The following SLAMF9 variants were observed in gnomAD, a reference collection of about 807,000 sequenced individuals.
The protein encoded by SLAMF9 is CD2 family member 10.
SLAMF9 carries 25 observed loss-of-function variants against 30.4 expected under a neutral mutation model. The observed-to-expected ratio is 0.82, with a 90% CI of 0.60 to 1.15. The LOEUF is 1.15. SLAMF9 is among the 50% of genes most tolerant of loss of function. The pLI is 0.00. For synonymous variants in SLAMF9, 129 were observed against 127.2 expected (o/e 1.01, Z -0.09); for missense variants, 344 against 346.1 (o/e 0.99, Z 0.05).
chr1:159,966,363 C>A, the SLAMF9 span, among the ~76,000 whole-genome samples: 2 of 152,128 alleles, frequency 1.3e-5, no homozygotes, highest in Non-Finnish European at 2.9e-5. Context: ...CACTGATGAA[C>A]ATTTAGATTG....
the SLAMF9 span, among the ~76,000 whole-genome samples, chr1:159,969,984 G>T: frequency 6.6e-6 from 1 of 152,120 alleles, no homozygotes; most frequent in Non-Finnish European, 1.5e-5. Context: ...CGGGGGTGAA[G>T]GGGGAGTGGA....
At chr1:159,975,181 A>G in the SLAMF9 span, among the ~76,000 whole-genome samples, 1 of 152,218 alleles carries the variant, frequency 6.6e-6, no homozygotes, top group African/African-American at 2.4e-5. Context: ...TCATTGACTT[A>G]TTCATTCATC....
chr1:159,973,247 G>T, the SLAMF9 span: 3 of 924,696 alleles, frequency 3.2e-6, no homozygotes, highest in Admixed American at 3.9e-5. Flanking sequence ...GCTCAGGAGT[G>T]GGGGCGACAC....
chr1:159,978,528 C>T, the SLAMF9 span: 1 of 152,168 alleles, frequency 6.6e-6, no homozygotes, highest in African/African-American at 2.4e-5. Flanking sequence ...GATGAGCATG[C>T]ATAAACTGTA....
rs749389150 is a variant in SLAMF9 at position 159,951,881 on chromosome 1, A to T, written c.665-15T>A. 4 of 1,612,240 alleles carry T rather than the reference A, an allele frequency of 2.5e-6. No homozygotes were observed. The Admixed American group carries it at 5.0e-5, about 20-fold the overall frequency. The stretch of plus-strand genomic sequence containing the variant: ...ATAGTTAGGATCTGGGGTGGAAGAA[A>T]GGAGGAAAGGGCCCATCAGTGGTAG... On this transcript the variant is annotated splice_polypyrimidine_tract_variant and intron_variant, in intron 3 of 3. Transcript: ENST00000368093.
At chr1:159,970,058 CAATA>C in the SLAMF9 span, among the ~76,000 whole-genome samples, 4 of 151,922 alleles carry the variant, frequency 2.6e-5, no homozygotes, top group Non-Finnish European at 5.9e-5. Flanking sequence ...AGACACTTCT[CAATA>C]AATAAATAAA....
the SLAMF9 span, among the ~76,000 whole-genome samples, chr1:159,972,036 G>A: frequency 1.3e-5 from 2 of 152,232 alleles, no homozygotes; most frequent in Non-Finnish European, 1.5e-5. Context: ...AGCAGCAAAC[G>A]GGAAGCAGGA....
upstream of SLAMF9, chr1:159,954,348 A>T (rs1651878305): frequency 2.3e-6 from 1 of 434,138 alleles, no homozygotes; most frequent in East Asian, 3.8e-5. Flanking sequence ...TCTCTTTCAG[A>T]TCCTGATTGT....
the SLAMF9 span, chr1:159,972,497 C>T: frequency 6.5e-6 from 1 of 152,766 alleles, no homozygotes; most frequent in African/African-American, 2.4e-5. Flanking sequence ...GATGACTGAA[C>T]CATTATCCTA....
At chr1:159,958,258 G>T (rs769927920), upstream of SLAMF9, among the ~76,000 whole-genome samples, 1 of 152,216 alleles carries the variant, frequency 6.6e-6, no homozygotes, top group Non-Finnish European at 1.5e-5. Flanking sequence ...AGGGGGAGCC[G>T]AGGCTGCTAC....
At chr1:159,953,715 C>T in intron 1 of SLAMF9, 62 bp from the exon 2 acceptor site, 2 of 1,455,984 alleles carry the variant, frequency 1.4e-6, no homozygotes, top group Non-Finnish European at 1.9e-6. Context: ...CTGAACCTGG[C>T]AGTGGAGCTG....
the SLAMF9 span, chr1:159,976,612 A>C: frequency 6.6e-6 from 1 of 152,214 alleles, no homozygotes; most frequent in African/African-American, 2.4e-5. Context: ...TAAATAAAAT[A>C]AAATATTCCA....
chr1:159,974,222 G>A, the SLAMF9 span, among the ~76,000 whole-genome samples: 1 of 152,142 alleles, frequency 6.6e-6, no homozygotes, highest in Non-Finnish European at 1.5e-5. Flanking sequence ...GACCAGAGAA[G>A]GGCAGGACCT....
chr1:159,953,390 C>A lies in SLAMF9; in HGVS notation c.310G>T (p.Asp104Tyr). ...SLHISNLSWE[D>Y]SGLYQAQVNL... ...ACTTGAGCTTGGTAAAGCCCTGAAT[C>A]CTCCCAGCTCAGATTGCTGATATGC... is the stretch of plus-strand genomic sequence containing the variant. Residue 104 changes from aspartate (D) to tyrosine (Y), a missense_variant, in exon 2 of 4, where the codon GAT becomes TAT. Physicochemically the swap from Asp to Tyr is radical, Grantham distance 160. Transcript: ENST00000368093. 6.2e-7 allele frequency: 1 copy of A among 1,614,190 alleles called. No homozygotes were observed. Among genetic ancestry groups the A allele is most frequent in the Middle Eastern group, 1.7e-4 (1 of 6,060 alleles).
the SLAMF9 span, among the ~76,000 whole-genome samples, chr1:159,963,989 G>T: frequency 6.6e-6 from 1 of 152,196 alleles, no homozygotes; most frequent in Non-Finnish European, 1.5e-5. Context: ...GAACCTGGGA[G>T]GCAGAGGTTG....
At chr1:159,957,374 CCAG>C (rs897963885), upstream of SLAMF9, among the ~76,000 whole-genome samples, 42 of 151,964 alleles carry the variant, frequency 2.8e-4, no homozygotes, top group African/African-American at 9.7e-4. Context: ...ACCTATAATC[CCAG>C]CACTTTGGGA....
At chr1:159,970,821 G>A in the SLAMF9 span, among the ~76,000 whole-genome samples, 1 of 152,158 alleles carries the variant, frequency 6.6e-6, no homozygotes, top group Non-Finnish European at 1.5e-5. Flanking sequence ...TTAATAATTT[G>A]CTAGAAGGAT....
At position 159,951,564 on chromosome 1, in the gene SLAMF9, C is replaced by A; in HGVS notation, c.*97G>T. Reference sequence around the variant, plus strand: ...AGTATGGCTCTCTGGATACCCACCCCTGAGCACCTCCTTCCCCTGGAAAGA... The same window carrying A: ...AGTATGGCTCTCTGGATACCCACCCATGAGCACCTCCTTCCCCTGGAAAGA... On this transcript the variant is annotated 3_prime_UTR_variant, in exon 4 of 4. Transcript: ENST00000368093. 8.2e-7 allele frequency: 1 copy of A among 1,214,288 alleles called. No individual in the cohort carries two copies. Among genetic ancestry groups the A allele is most frequent in the East Asian group, 2.3e-5 (1 of 42,886 alleles). 75.2% of individuals were successfully genotyped at this position (1,214,288 alleles called of 1,614,324 possible). A position where few individuals can be genotyped will look rare whatever the true frequency, so the allele number is the denominator to read the frequency against.
chr1:159,954,389 C>T (rs1003188001), upstream of SLAMF9: 29 of 358,706 alleles, frequency 8.1e-5, 1 homozygote, highest in Middle Eastern at 2.2e-3. Flanking sequence ...CTCATGATGC[C>T]ATCCACCAAA....
Sources: allele counts gnomAD v4.1 joint callset (sites outside exome capture counted in the v4.1 genomes callset), GRCh38; gene constraint gnomAD v4.1.1; transcripts MANE v1.5; gene names NCBI Gene and HGNC (gene_info 2026-07-23, HGNC 2026-07-21).